Variants in CCDC171 observed in about 807,000 individuals in gnomAD.
The protein encoded by CCDC171 is coiled-coil domain-containing protein 171.
In CCDC171, 177 loss-of-function variants were observed where a neutral mutation model predicts 168.2. The ratio of observed to expected loss-of-function variants is 1.05; its 90% CI spans 0.93 to 1.19. The LOEUF (loss-of-function observed/expected upper bound fraction) is 1.19. Among genes scored for constraint, CCDC171 ranks in the 50% most tolerant of loss-of-function variants. The pLI, the probability that CCDC171 is intolerant of heterozygous loss-of-function variation, is 0.00. For missense variants in CCDC171, 1,991 were observed against 1,539.0 expected (o/e 1.29, Z -4.91); for synonymous variants, 687 against 540.8 (o/e 1.27, Z -3.75).
chr9:16,037,953 C>T (rs1478709153), upstream of CCDC171, among the ~76,000 whole-genome samples: 5 of 152,134 alleles, frequency 3.3e-5, no homozygotes, highest in East Asian at 9.6e-4. Context: ...TCAGGAAGTA[C>T]AGTAAGTCAT....
intron 6 of CCDC171, among the ~76,000 whole-genome samples, chr9:15,602,909 C>T (rs1036350612): frequency 2.6e-4 from 40 of 152,082 alleles, no homozygotes; most frequent in African/African-American, 8.7e-4. Flanking sequence ...CTGCCTGCCT[C>T]GGCCTCCCAA....
intron 8 of CCDC171, among the ~76,000 whole-genome samples, chr9:15,665,700 G>C (rs1355425907): frequency 6.6e-6 from 1 of 152,198 alleles, no homozygotes; most frequent in Non-Finnish European, 1.5e-5. Context: ...AGGATCACTT[G>C]AGCCCAGGAA....
intron 6 of CCDC171, among the ~76,000 whole-genome samples, chr9:15,601,594 T>G (rs1296605812): frequency 6.6e-6 from 1 of 152,220 alleles, no homozygotes; most frequent in Non-Finnish European, 1.5e-5. Context: ...GATTAAGACC[T>G]GGTTTCTGTC....
chr9:16,041,660 TATG>T (rs1365390437), upstream of CCDC171, among the ~76,000 whole-genome samples: 2 of 152,246 alleles, frequency 1.3e-5, no homozygotes, highest in African/African-American at 4.8e-5. Context: ...ATTAATTAAA[TATG>T]ATGTTTGGAT....
In CCDC171 at chr9:16,023,466, T is replaced by C. The variant is rs564226321; in HGVS notation, n.998+558T>C. Reference sequence around the variant, plus strand: ...TTAACATCTCAAGAAATAATGAACATTGCCGCACTGACTTAAGAATCACCA... The same window carrying C: ...TTAACATCTCAAGAAATAATGAACACTGCCGCACTGACTTAAGAATCACCA... On this transcript the variant is annotated intron_variant and non_coding_transcript_variant, in intron 6 of 9. Coordinates refer to the CCDC171 transcript ENST00000486641. Among the ~76,000 whole-genome samples the C allele has an allele frequency of 3.9e-5, 6 of 152,300 alleles. No homozygotes were observed. In the South Asian group the frequency reaches 1.0e-3, roughly 26 times the overall value.
At chr9:15,675,991 C>T (rs940354840) in intron 9 of CCDC171, among the ~76,000 whole-genome samples, 55 of 152,148 alleles carry the variant, frequency 3.6e-4, no homozygotes, top group Non-Finnish European at 1.0e-4. Flanking sequence ...CCATTCTCCC[C>T]GTCACTTTCA....
intron 3 of CCDC171, among the ~76,000 whole-genome samples, chr9:16,003,882 G>A (rs912683100): frequency 1.3e-5 from 2 of 152,176 alleles, no homozygotes; most frequent in African/African-American, 4.8e-5. Flanking sequence ...TTGCTGTGGA[G>A]CCAGGTCCTG....
At chr9:15,907,232 A>G (rs200888061) in intron 24 of CCDC171, among the ~76,000 whole-genome samples, 5 of 152,096 alleles carry the variant, frequency 3.3e-5, no homozygotes, top group African/African-American at 7.2e-5. Flanking sequence ...AAAGCTGGAG[A>G]CATCATGCTA....
intron 3 of CCDC171, among the ~76,000 whole-genome samples, chr9:16,001,691 T>G (rs1832550012): frequency 6.6e-6 from 1 of 152,022 alleles, no homozygotes; most frequent in African/African-American, 2.4e-5. Flanking sequence ...AATAACACAG[T>G]AGTACAATGC....
intron 1 of CCDC171, among the ~76,000 whole-genome samples, chr9:15,559,093 A>G (rs1196300464): frequency 6.6e-6 from 1 of 152,144 alleles, no homozygotes; most frequent in Non-Finnish European, 1.5e-5. Context: ...GTGTGGTCTG[A>G]GAGACAGTTT....
chr9:16,064,809 C>T (rs1037710482), downstream of CCDC171, among the ~76,000 whole-genome samples: 8 of 152,168 alleles, frequency 5.3e-5, no homozygotes, highest in Admixed American at 3.3e-4. Context: ...ACCACAAAAG[C>T]GGCCTTCTAC....
chr9:15,600,768 C>T (rs2042781745), intron 6 of CCDC171, among the ~76,000 whole-genome samples: 1 of 152,224 alleles, frequency 6.6e-6, no homozygotes. Context: ...CCTCCTTGAG[C>T]TGCGGTGGGC....
chr9:15,628,381 G>A (rs550318450), intron 7 of CCDC171, among the ~76,000 whole-genome samples: 33 of 152,288 alleles, frequency 2.2e-4, no homozygotes, highest in African/African-American at 7.2e-4. Context: ...ATTATAACCC[G>A]CATCTGGCTC....
intron 6 of CCDC171, among the ~76,000 whole-genome samples, chr9:15,599,557 C>G (rs535629712): frequency 6.6e-6 from 1 of 152,192 alleles, no homozygotes; most frequent in African/African-American, 2.4e-5. Flanking sequence ...GGTCACCCAA[C>G]CTTTCTGTCT....
chr9:15,725,604 C>G (rs1327301216), intron 14 of CCDC171, among the ~76,000 whole-genome samples: 1 of 152,082 alleles, frequency 6.6e-6, no homozygotes, highest in African/African-American at 2.4e-5. Context: ...TGTCCACCAC[C>G]ATGCCTGGCT....
At chr9:15,561,122 C>A (rs1430953995) in intron 1 of CCDC171, among the ~76,000 whole-genome samples, 1 of 152,134 alleles carries the variant, frequency 6.6e-6, no homozygotes, top group Admixed American at 6.6e-5. Flanking sequence ...TTGGAACCTC[C>A]TCCGTGACTG....
At chr9:15,691,844 G>T (rs1057026182) in intron 10 of CCDC171, among the ~76,000 whole-genome samples, 4 of 151,772 alleles carry the variant, frequency 2.6e-5, no homozygotes, top group Admixed American at 6.6e-5. Context: ...TGGCTGTCTG[G>T]TTTTTCATTT....
At chr9:15,608,429 A>G (rs918375693) in intron 6 of CCDC171, among the ~76,000 whole-genome samples, 17 of 152,234 alleles carry the variant, frequency 1.1e-4, no homozygotes, top group East Asian at 1.9e-4. Flanking sequence ...GGGTGTAACA[A>G]TTTCAAAGAA....
chr9:16,007,435 A>T (rs1368288513), intron 3 of CCDC171, among the ~76,000 whole-genome samples: 1 of 152,084 alleles, frequency 6.6e-6, no homozygotes, highest in African/African-American at 2.4e-5. Context: ...TCTTTAGTTT[A>T]ATTAGATCCC....
Sources: gnomAD v4.1 joint callset for allele counts (sites outside exome capture counted in the v4.1 genomes callset) on GRCh38, gnomAD v4.1.1 for gene constraint, MANE v1.5 for transcripts, NCBI Gene and HGNC (gene_info 2026-07-23, HGNC 2026-07-21) for gene names.